FAT4: variants seen among roughly 807,000 people sequenced by gnomAD.
FAT4 encodes protocadherin Fat 4.
Under a neutral mutation model 303.9 loss-of-function variants are expected in FAT4, and 84 were observed. That is an observed-to-expected ratio of 0.28 (90% CI 0.23 to 0.33). The LOEUF is 0.33. Among genes scored for constraint, FAT4 ranks in the 10% least tolerant of loss-of-function variants. FAT4 has a pLI of 1.00. For missense variants in FAT4, 6,005 were observed against 6,146.8 expected (o/e 0.98, Z 0.77); for synonymous variants, 2,307 against 2,298.8 (o/e 1.00, Z -0.10).
chr4:125,491,062 C>A lies in FAT4; in HGVS notation c.14246C>A (p.Thr4749Lys). 6.2e-7 allele frequency: 1 copy of A among 1,614,180 alleles called. No individual in the cohort carries two copies. Among genetic ancestry groups the A allele is most frequent in the Middle Eastern group, 1.6e-4 (1 of 6,062 alleles). ...CAACCTGGCATTTTCAACTATGCCA[C>A]AAGGCTGGGAAGGAGAAGCAAGAGT... The part of the protein sequence containing the change: ...TCQPGIFNYA[T>K]RLGRRSKSPQ... The change falls in exon 18 of 18, where the codon ACA becomes AAA. Residue 4749 changes from threonine (T) to lysine (K), a missense_variant. Coordinates refer to ENST00000394329, the MANE Select transcript of FAT4 (RefSeq NM_001291303.3).
intron 2 of FAT4, among the ~76,000 whole-genome samples, chr4:125,384,160 A>G (rs2102461): frequency 0.99 from 150,868 of 152,280 alleles, 74,742 homozygotes; most frequent in East Asian, 1. Flanking sequence ...TTGTGCAAAC[A>G]TGTTTCATTT....
At chr4:125,351,459 T>C (rs1286947561) in intron 2 of FAT4, among the ~76,000 whole-genome samples, 1 of 151,786 alleles carries the variant, frequency 6.6e-6, no homozygotes, top group Non-Finnish European at 1.5e-5. Context: ...TGTTATTTTG[T>C]TATCCTCTGC....
chr4:125,446,484 A>G lies in FAT4; in HGVS notation c.7391A>G (p.Asn2464Ser). The G allele has an allele frequency of 6.2e-7, 1 of 1,613,546 alleles. No individual in the cohort carries two copies. Among genetic ancestry groups the G allele is most frequent in the South Asian group, 1.1e-5 (1 of 91,068 alleles). Residue 2464 changes from asparagine to serine, a missense_variant, in exon 9 of 18, where the codon AAT (asparagine) becomes AGT (serine). Physicochemically the swap from Asn to Ser is conservative, Grantham distance 46. Coordinates refer to ENST00000394329, the MANE Select transcript of FAT4 (RefSeq NM_001291303.3). Reference protein sequence around the residue: ...VLVTVTDVNDNPPRFQHHPYV... With the variant: ...VLVTVTDVNDSPPRFQHHPYV... ...GTCACTGTGACTGATGTCAATGACA[A>G]TCCACCAAGATTTCAGCATCACCCA...
At chr4:125,418,174 C>A (rs1199357973) in intron 7 of FAT4, among the ~76,000 whole-genome samples, 1 of 152,102 alleles carries the variant, frequency 6.6e-6, no homozygotes, top group African/African-American at 2.4e-5. Flanking sequence ...ATGTTTTTCT[C>A]AAATCTGTAG....
At chr4:125,369,144 C>G (rs1344058261) in intron 2 of FAT4, among the ~76,000 whole-genome samples, 1 of 152,138 alleles carries the variant, frequency 6.6e-6, no homozygotes, top group Non-Finnish European at 1.5e-5. Context: ...CCATCAGATA[C>G]TTGATATAGA....
rs1410934992 is a variant in FAT4, at chr4:125,451,238, A to G, written c.10228A>G (p.Ile3410Val). Reference sequence around the variant, plus strand: ...TGACCCACCCATTTTTACTCTAAACATCTACAGTGTGCAGATCAGTGAAGG... The same window carrying G: ...TGACCCACCCATTTTTACTCTAAACGTCTACAGTGTGCAGATCAGTGAAGG... ...ANDPPIFTLNIYSVQISEGVP... is the reference protein window; with the variant it reads ...ANDPPIFTLNVYSVQISEGVP... Residue 3410 changes from isoleucine to valine, a missense_variant, in exon 10 of 18, where the codon ATC becomes GTC. Transcript: ENST00000394329. 1 of 1,614,020 alleles carries G rather than the reference A, an allele frequency of 6.2e-7. No homozygotes were observed. The highest frequency in any genetic ancestry group is 8.5e-7 in the Non-Finnish European group (1 of 1,180,030).
intron 2 of FAT4, among the ~76,000 whole-genome samples, chr4:125,335,232 G>A (rs1731525277): frequency 6.6e-6 from 1 of 152,068 alleles, no homozygotes; most frequent in Non-Finnish European, 1.5e-5. Context: ...CTCTTTGTTT[G>A]TCAGTATTTT....
In FAT4 at chr4:125,371,551, T is replaced by C. The variant is rs1270740969; in HGVS notation, c.5176-27233T>C. Among the ~76,000 whole-genome samples the C allele has an allele frequency of 2.6e-5, 4 of 151,840 alleles. No individual in the cohort carries two copies. The South Asian group carries it at 8.3e-4, about 31-fold the overall frequency. Reference sequence around the variant, plus strand: ...GCTATAAGTAATAATATAGAAATAGTTGACCTCACAGTTAATTTATTAAGC... The same window carrying C: ...GCTATAAGTAATAATATAGAAATAGCTGACCTCACAGTTAATTTATTAAGC... On this transcript the variant is annotated intron_variant, in intron 2 of 17. Transcript: ENST00000394329.
chr4:125,447,922 T>C (rs905178091), intron 9 of FAT4, among the ~76,000 whole-genome samples: 1 of 152,076 alleles, frequency 6.6e-6, no homozygotes, highest in Non-Finnish European at 1.5e-5. Flanking sequence ...TTTTTCCATC[T>C]GATAATAGTT....
At chr4:125,360,292 T>C (rs1732603178) in intron 2 of FAT4, among the ~76,000 whole-genome samples, 1 of 152,162 alleles carries the variant, frequency 6.6e-6, no homozygotes, top group African/African-American at 2.4e-5. Flanking sequence ...TATTCCACTT[T>C]CCCAATTTAC....
chr4:125,431,948 C>T (rs868398457), intron 7 of FAT4, among the ~76,000 whole-genome samples: 4 of 152,188 alleles, frequency 2.6e-5, no homozygotes, highest in Middle Eastern at 6.8e-3. Flanking sequence ...AACACACATT[C>T]AAGAAATTTA....
rs1225667764 is a variant in FAT4, at chr4:125,315,054, C to G, written c.-936C>G. ...CCTCTGTTTGTGTTTCGGCGACGCG[C>G]TGTGTGTGTGTGTGTGCGTGTGTAT... On this transcript the variant is annotated 5_prime_UTR_variant, in exon 1 of 18. Transcript: ENST00000394329. Among the ~76,000 whole-genome samples the G allele has an allele frequency of 2.0e-5, 3 of 150,944 alleles. No homozygotes were observed. Among genetic ancestry groups the G allele is most frequent in the African/African-American group, 7.3e-5 (3 of 41,198 alleles).
intron 10 of FAT4, among the ~76,000 whole-genome samples, chr4:125,454,365 A>G (rs1726205076): frequency 6.6e-6 from 1 of 152,248 alleles, no homozygotes; most frequent in South Asian, 2.1e-4. Context: ...ATGAAGAAAA[A>G]GTGGCAGAAA....
chr4:125,475,006 C>T (rs1246130009), intron 12 of FAT4, among the ~76,000 whole-genome samples: 1 of 152,024 alleles, frequency 6.6e-6, no homozygotes, highest in African/African-American at 2.4e-5. Flanking sequence ...TTATATTTCT[C>T]TGCTACATAT....
In FAT4 at chr4:125,453,660, C is replaced by G. The variant is rs183651098; in HGVS notation, c.11800+850C>G. Among the ~76,000 whole-genome samples the G allele has an allele frequency of 6.2e-3, 933 of 150,990 alleles. 7 individuals are homozygous for G. The highest frequency in any genetic ancestry group is 0.01 in the Non-Finnish European group (679 of 67,898). ...GGCAGAGGTTGCAGTGAGCCGAGATCGCGTCACTGCACTCCAGCCTGGCAA... is the reference window on the plus strand; with the variant it reads ...GGCAGAGGTTGCAGTGAGCCGAGATGGCGTCACTGCACTCCAGCCTGGCAA... On this transcript the variant is annotated intron_variant, in intron 10 of 17. Transcript: ENST00000394329.
At chr4:125,480,001 T>C (rs1001485666) in intron 15 of FAT4, 136 bp downstream of exon 15, 1 of 655,742 alleles carries the variant, frequency 1.5e-6, no homozygotes. Flanking sequence ...CAATAATTGG[T>C]AAAATACAGT....
At chr4:125,364,091 T>G (rs951698549) in intron 2 of FAT4, among the ~76,000 whole-genome samples, 1 of 152,080 alleles carries the variant, frequency 6.6e-6, no homozygotes, top group Non-Finnish European at 1.5e-5. Context: ...AACTTGCTTA[T>G]TTTTTGCTTA....
intron 2 of FAT4, among the ~76,000 whole-genome samples, chr4:125,336,618 A>T (rs1380592049): frequency 1.3e-5 from 2 of 151,996 alleles, no homozygotes; most frequent in Non-Finnish European, 2.9e-5. Context: ...TAAATGTTCA[A>T]TGTCTGATCA....
At position 125,477,332 on chromosome 4, in the gene FAT4, T is replaced by C; in HGVS notation, c.12477T>C (p.Asp4159=). The change falls in exon 14 of 18, where the codon GAT becomes GAC. Residue 4159 remains aspartate, a splice_region_variant and synonymous_variant. Transcript: ENST00000394329. ...CTTTGGCAGCACAAGGCATCCTAGA[T>C]CAGTATGGCGATTTTATTTCTTACT... ...SQALAAQGIL[D]QCPRLEGACT... is the part of the protein sequence containing the mutation. 6.4e-7 allele frequency: 1 copy of C among 1,564,186 alleles called. No individual in the cohort carries two copies. The highest frequency in any genetic ancestry group is 8.7e-7 in the Non-Finnish European group (1 of 1,153,288).
Sources: allele counts gnomAD v4.1 joint callset (sites outside exome capture counted in the v4.1 genomes callset), GRCh38; gene constraint gnomAD v4.1.1; transcripts MANE v1.5; gene names NCBI Gene and HGNC (gene_info 2026-07-23, HGNC 2026-07-21).